KLHL25: variants seen among roughly 807,000 people sequenced by gnomAD.
KLHL25 encodes kelch-like protein 25.
KLHL25 carries 41 observed loss-of-function variants against 30.0 expected under a neutral mutation model. The ratio of observed to expected loss-of-function variants is 1.37; its 90% CI spans 1.07 to 1.78. KLHL25 has a LOEUF of 1.78. Among genes scored for constraint, KLHL25 ranks in the 40% most tolerant of loss-of-function variants. The pLI, the probability that KLHL25 is intolerant of heterozygous loss-of-function variation, is 0.00. For missense variants in KLHL25, 971 were observed against 824.5 expected (o/e 1.18, Z -2.18); for synonymous variants, 399 against 355.3 (o/e 1.12, Z -1.38).
intron 1 of KLHL25, among the ~76,000 whole-genome samples, chr15:85,784,431 T>C (rs2089765700): frequency 6.6e-6 from 1 of 152,092 alleles, no homozygotes; most frequent in Non-Finnish European, 1.5e-5. Flanking sequence ...CTCAGGAGGC[T>C]GAGGCAGAAG....
intron 2 of KLHL25, among the ~76,000 whole-genome samples, chr15:85,765,633 A>AAAAG (rs1485035236): frequency 6.3e-5 from 8 of 127,994 alleles, no homozygotes; most frequent in East Asian, 4.4e-4. Flanking sequence ...AAAAAAAAAA[A>AAAAG]AAGAAGAAGA....
At chr15:85,775,864 TAAAAAAAAAAAAAA>T (rs10535328) in intron 1 of KLHL25, among the ~76,000 whole-genome samples, 1 of 89,062 alleles carries the variant, frequency 1.1e-5, no homozygotes, top group Non-Finnish European at 2.1e-5. Context: ...ATGGCTCGTT[TAAAAAAAAAAAAAA>T]AAAAAAAAAA....
chr15:85,775,751 T>G (rs983969656), intron 1 of KLHL25, among the ~76,000 whole-genome samples: 1 of 150,046 alleles, frequency 6.7e-6, no homozygotes, highest in Non-Finnish European at 1.5e-5. Context: ...ACAAGCCAGG[T>G]AGGATGCACC....
chr15:85,762,276 CAT>C (rs956088196), intron 2 of KLHL25: 5 of 152,380 alleles, frequency 3.3e-5, no homozygotes, highest in African/African-American at 1.2e-4. Context: ...CACATGCTGA[CAT>C]GTGGTCCCTT....
chr15:85,769,441 C>T lies in KLHL25; in HGVS notation c.370G>A (p.Gly124Ser). 1 of 1,614,130 alleles carries T rather than the reference C, an allele frequency of 6.2e-7. No individual in the cohort carries two copies. The highest frequency in any genetic ancestry group is 8.5e-7 in the Non-Finnish European group (1 of 1,180,044). The change falls in exon 2 of 3, where the codon GGC becomes AGC. Residue 124 changes from glycine to serine, a missense_variant. Physicochemically the swap from Gly to Ser is moderately conservative, Grantham distance 56. Coordinates refer to ENST00000337975, the MANE Select transcript of KLHL25 (RefSeq NM_022480.4). ...ACATCGTGGAACTGCAGCATGTCGC[C>T]TGCCTCCAGCAGTGACTCAGCGTTC... Reference protein sequence around the residue: ...EENAESLLEAGDMLQFHDVRD... With the variant: ...EENAESLLEASDMLQFHDVRD...
intron 1 of KLHL25, among the ~76,000 whole-genome samples, chr15:85,791,579 G>A (rs915549871): frequency 6.6e-6 from 1 of 151,986 alleles, no homozygotes; most frequent in Non-Finnish European, 1.5e-5. Context: ...AGGAAAGCAG[G>A]AAAGGTTTAG....
chr15:85,792,381 C>A (rs2089823355), intron 1 of KLHL25, among the ~76,000 whole-genome samples: 1 of 152,236 alleles, frequency 6.6e-6, no homozygotes, highest in South Asian at 2.1e-4. Flanking sequence ...AAACCAGCAT[C>A]TCAATCAACC....
intron 1 of KLHL25, among the ~76,000 whole-genome samples, chr15:85,791,108 A>G (rs545729296): frequency 2.7e-5 from 4 of 149,296 alleles, no homozygotes; most frequent in South Asian, 2.1e-4. Context: ...GAGGCAGACA[A>G]CTGGTTGACT....
rs2089801826 is a variant in KLHL25 at position 85,789,399 on chromosome 15, T to C, written c.-11+5367A>G. On this transcript the variant is annotated intron_variant, in intron 1 of 2. Coordinates refer to ENST00000337975, the MANE Select transcript of KLHL25 (RefSeq NM_022480.4). This position sits in a 1 kb window ranked among gnomAD's most constrained non-coding sequence, Gnocchi z 4.1. ...TCCCTTGAGATCCCTTTTTTTTTTTTTGACAGAATTTTACTCTGTTGCCCA... is the reference window on the plus strand; with the variant it reads ...TCCCTTGAGATCCCTTTTTTTTTTTCTGACAGAATTTTACTCTGTTGCCCA... 6.6e-6 allele frequency among the ~76,000 whole-genome samples: 1 copy of C among 152,142 alleles called. No homozygotes were observed. Among genetic ancestry groups the C allele is most frequent in the East Asian group, 1.9e-4 (1 of 5,178 alleles).
rs562865932 is a variant in KLHL25 at position 85,782,130 on chromosome 15, C to A, written c.-10-12310G>T. Among the ~76,000 whole-genome samples the A allele has an allele frequency of 2.0e-5, 3 of 152,122 alleles. No individual in the cohort carries two copies. The South Asian group carries it at 6.2e-4, about 32-fold the overall frequency. On this transcript the variant is annotated intron_variant, in intron 1 of 2. Transcript: ENST00000337975. ...CAGGGGCCGTGAGTAGACTGCTACA[C>A]TTGGGCTTTGCAGTTGATAATTCTC...
chr15:85,769,707 T>G lies in KLHL25; in HGVS notation c.104A>C (p.His35Pro), dbSNP rs1424603380. 1 of 1,613,698 alleles carries G rather than the reference T, an allele frequency of 6.2e-7. No homozygotes were observed. The highest frequency in any genetic ancestry group is 2.2e-5 in the East Asian group (1 of 44,888). The change falls in exon 2 of 3, where the codon CAC becomes CCC. Residue 35 changes from histidine (H) to proline (P), a missense_variant. His to Pro is a moderately conservative substitution (Grantham distance 77). Transcript: ENST00000337975. ...GCAGTGCTTGCGAAGCGTGTTGAGGTGGGCCAGCACACAGTCCGGGTGGGA... is the reference window on the plus strand; with the variant it reads ...GCAGTGCTTGCGAAGCGTGTTGAGGGGGGCCAGCACACAGTCCGGGTGGGA... ...KASHPDCVLA[H>P]LNTLRKHCMF...
rs563035386 is a variant in KLHL25 at position 85,789,115 on chromosome 15, G to A, written c.-11+5651C>T. 6.6e-6 allele frequency among the ~76,000 whole-genome samples: 1 copy of A among 152,212 alleles called. No individual in the cohort carries two copies. Among genetic ancestry groups the A allele is most frequent in the East Asian group, 1.9e-4 (1 of 5,184 alleles). On this transcript the variant is annotated intron_variant, in intron 1 of 2. Transcript: ENST00000337975. This position sits in a 1 kb window ranked among gnomAD's most constrained non-coding sequence, Gnocchi z 4.1. ...CAGCCTCTCCTTGGGGGCCCAATGGGAACAGGCAAAAAATGTAAGCAAGGC... is the reference window on the plus strand; with the variant it reads ...CAGCCTCTCCTTGGGGGCCCAATGGAAACAGGCAAAAAATGTAAGCAAGGC...
Position 85,760,183 on chromosome 15 carries a change from G to C in KLHL25, c.*853C>G, listed in dbSNP as rs1459161644. On this transcript the variant is annotated 3_prime_UTR_variant, in exon 3 of 3. Transcript: ENST00000337975. Reference sequence around the variant, plus strand: ...TGCTCCTGGTCTTGGAGGGCAGCGTGGTCTCCTGGGGAGAAGCCCCCAGTG... The same window carrying C: ...TGCTCCTGGTCTTGGAGGGCAGCGTCGTCTCCTGGGGAGAAGCCCCCAGTG... 1 of 152,258 alleles carries C rather than the reference G, an allele frequency of 6.6e-6. No homozygotes were observed. Among genetic ancestry groups the C allele is most frequent in the African/African-American group, 2.4e-5 (1 of 41,438 alleles). 9.4% of individuals were successfully genotyped at this position (152,258 alleles called of 1,614,324 possible).
At position 85,765,083 on chromosome 15, in the gene KLHL25, G is replaced by A. The variant is rs563476193; in HGVS notation, c.*24+2934C>T. ...TAGGCAGGGGGCAGCCTCTGGTCTGGAGGCTCAGACCAGAGATGGTCTCAG... is the reference window on the plus strand; with the variant it reads ...TAGGCAGGGGGCAGCCTCTGGTCTGAAGGCTCAGACCAGAGATGGTCTCAG... On this transcript the variant is annotated intron_variant, in intron 2 of 2. Transcript: ENST00000337975. 6.1e-4 allele frequency among the ~76,000 whole-genome samples: 93 copies of A among 152,262 alleles called. 2 individuals are homozygous for A. Among genetic ancestry groups the A allele is most frequent in the Non-Finnish European group, 1.0e-4 (7 of 68,004 alleles).
chr15:85,768,309 GT>G lies in KLHL25; in HGVS notation c.1501del (p.Thr501ArgfsTer24), dbSNP rs1286884352. 3 of 1,613,876 alleles carry G rather than the reference GT, an allele frequency of 1.9e-6. No homozygotes were observed. The African/African-American group carries it at 4.0e-5, about 22-fold the overall frequency. ...GSQIFIMGGD[T>X]EFTAASAYRF... ...GTAGGCCGAGGCGGCTGTGAATTCC[GT>G]GTCACCTCCCATGATGAAGATCTGG... On this transcript the variant is annotated frameshift_variant, in exon 2 of 3. Transcript: ENST00000337975. LOFTEE classifies it high-confidence loss of function.
chr15:85,767,950 G>A, intron 2 of KLHL25, 67 bp downstream of exon 2: 3 of 1,022,460 alleles, frequency 2.9e-6, no homozygotes, highest in South Asian at 3.3e-5. Flanking sequence ...CCAGTGGGAA[G>A]AGGTGGGACT....
rs1446150145 is a variant in KLHL25, at chr15:85,768,663, G to A, written c.1148C>T (p.Ser383Leu). ...PMLIARFGHGSAELENCLYVV... is the reference protein window; with the variant it reads ...PMLIARFGHGLAELENCLYVV... Reference sequence around the variant, plus strand: ...ATAGAGGCAGTTCTCCAGCTCAGCTGAGCCATGGCCAAAGCGGGCAATCAG... The same window carrying A: ...ATAGAGGCAGTTCTCCAGCTCAGCTAAGCCATGGCCAAAGCGGGCAATCAG... Residue 383 changes from serine (S) to leucine (L), a missense_variant, in exon 2 of 3, where the codon TCA becomes TTA. Transcript: ENST00000337975. The A allele has an allele frequency of 5.6e-6, 9 of 1,613,264 alleles. No homozygotes were observed. Among genetic ancestry groups the A allele is most frequent in the East Asian group, 2.2e-5 (1 of 44,842 alleles).
At position 85,768,976 on chromosome 15, in the gene KLHL25, T is replaced by C. The variant is rs762839250; in HGVS notation, c.835A>G (p.Asn279Asp). 1 of 1,612,878 alleles carries C rather than the reference T, an allele frequency of 6.2e-7. No individual in the cohort carries two copies. Among genetic ancestry groups the C allele is most frequent in the Non-Finnish European group, 8.5e-7 (1 of 1,180,042 alleles). The change falls in exon 2 of 3, where the codon AAT (asparagine) becomes GAT (aspartate). Residue 279 changes from asparagine to aspartate, a missense_variant. Transcript: ENST00000337975. ...ALRCKTRILQNDGVVTSPCAR... is the reference protein window; with the variant it reads ...ALRCKTRILQDDGVVTSPCAR... ...CAGGGGCTGGTGACCACGCCATCAT[T>C]CTGCAGGATCCTGGTCTTGCAGCGC...
In KLHL25 at chr15:85,759,993, T is replaced by C. The variant is rs2089570113; in HGVS notation, c.*1043A>G. 1 of 152,272 alleles carries C rather than the reference T, an allele frequency of 6.6e-6. No individual in the cohort carries two copies. The allele number at this position is 152,272 out of a possible 1,614,324, so 9.4% of individuals were successfully genotyped here. On this transcript the variant is annotated 3_prime_UTR_variant, in exon 3 of 3. Transcript: ENST00000337975. ...ACAGCAATGAACAAATGTTCAGCAG[T>C]TCTCTCGGGGCCATTCTTATCTTGG...
Sources: gnomAD v4.1 joint callset for allele counts (sites outside exome capture counted in the v4.1 genomes callset) on GRCh38, gnomAD v4.1.1 for gene constraint, Gnocchi (gnomAD v3.1) non-coding constraint, MANE v1.5 for transcripts, NCBI Gene and HGNC (gene_info 2026-07-23, HGNC 2026-07-21) for gene names.